Variants in LRRC4C observed in about 807,000 individuals in gnomAD.
The protein encoded by LRRC4C is leucine rich repeat containing 4C.
LRRC4C carries 5 observed loss-of-function variants against 33.6 expected under a neutral mutation model. The ratio of observed to expected loss-of-function variants is 0.15; its 90% confidence interval spans 0.08 to 0.31. LRRC4C has a LOEUF of 0.31. Ranked by LOEUF, LRRC4C falls within the 10% of genes least tolerant of loss-of-function variation. LRRC4C has a pLI of 1.00. For synonymous variants in LRRC4C, 329 were observed against 302.0 expected, an observed-to-expected ratio of 1.09 and a Z score of -0.93; for missense variants, 560 against 796.7, an observed-to-expected ratio of 0.70 and a Z score of 3.58.
chr11:41,197,074 T>C (rs1946208688), intron 1 of LRRC4C, among the ~76,000 whole-genome samples: 1 of 152,072 alleles, frequency 6.6e-6, no homozygotes, highest in Non-Finnish European at 1.5e-5. Context: ...GGAAATTCTG[T>C]GCATGGAAGT....
At chr11:40,238,103 C>G (rs572965915) in intron 5 of LRRC4C, among the ~76,000 whole-genome samples, 1 of 152,134 alleles carries the variant, frequency 6.6e-6, no homozygotes, top group Non-Finnish European at 1.5e-5. Context: ...ACAGGTTTCA[C>G]GCTATTGGTG....
intron 2 of LRRC4C, among the ~76,000 whole-genome samples, chr11:40,671,666 T>C (rs1944120448): frequency 1.9e-5 from 2 of 106,484 alleles, no homozygotes; most frequent in African/African-American, 3.7e-5. Context: ...TGTGTGTGTG[T>C]GTGTGTGTGT....
intron 4 of LRRC4C, among the ~76,000 whole-genome samples, chr11:40,264,469 C>T (rs1169872251): frequency 6.6e-6 from 1 of 152,170 alleles, no homozygotes; most frequent in Non-Finnish European, 1.5e-5. Context: ...CCAAAAAACA[C>T]AGCACAGTGA....
chr11:40,517,831 G>A (rs1158436915), intron 3 of LRRC4C, among the ~76,000 whole-genome samples: 3 of 151,438 alleles, frequency 2.0e-5, no homozygotes, highest in African/African-American at 7.3e-5. Context: ...GAACAAAGCT[G>A]GAGGCATCAC....
At chr11:41,087,803 T>C (rs994143666) in intron 1 of LRRC4C, among the ~76,000 whole-genome samples, 2 of 152,190 alleles carry the variant, frequency 1.3e-5, no homozygotes, top group African/African-American at 4.8e-5. Context: ...TCAGTCCTAA[T>C]ACATAAGTGA....
At chr11:40,486,365 A>G (rs1327809328) in intron 3 of LRRC4C, among the ~76,000 whole-genome samples, 1 of 152,074 alleles carries the variant, frequency 6.6e-6, no homozygotes, top group African/African-American at 2.4e-5. Flanking sequence ...AAGTTGAAAC[A>G]TAAGACAAAT....
intron 3 of LRRC4C, among the ~76,000 whole-genome samples, chr11:40,489,679 T>C (rs1430740881): frequency 6.6e-6 from 1 of 152,118 alleles, no homozygotes; most frequent in African/African-American, 2.4e-5. Context: ...TGGAACCCCC[T>C]TTATTGTTCA....
chr11:40,978,133 T>C (rs1221372692), intron 1 of LRRC4C, among the ~76,000 whole-genome samples: 1 of 152,238 alleles, frequency 6.6e-6, no homozygotes, highest in African/African-American at 2.4e-5. Context: ...TTCTTCCATT[T>C]ATTATTGCAT....
chr11:40,615,331 A>G (rs1487585193), intron 3 of LRRC4C, among the ~76,000 whole-genome samples: 7 of 149,570 alleles, frequency 4.7e-5, no homozygotes, highest in Non-Finnish European at 1.0e-4. Flanking sequence ...TCTTATTAAG[A>G]AGTCAGTGGC....
intron 3 of LRRC4C, among the ~76,000 whole-genome samples, chr11:40,353,762 A>T (rs1947526581): frequency 6.6e-6 from 1 of 152,148 alleles, no homozygotes; most frequent in Non-Finnish European, 1.5e-5. Flanking sequence ...TAGGATTTCG[A>T]ATTACTTCTC....
At chr11:41,358,216 A>C (rs1248222320) in intron 1 of LRRC4C, among the ~76,000 whole-genome samples, 1 of 152,136 alleles carries the variant, frequency 6.6e-6, no homozygotes, top group Admixed American at 6.6e-5. Context: ...AAATAAATCT[A>C]TACACAGAAT....
At chr11:40,855,077 C>T (rs2135780308) in intron 2 of LRRC4C, among the ~76,000 whole-genome samples, 1 of 152,156 alleles carries the variant, frequency 6.6e-6, no homozygotes, top group South Asian at 2.1e-4. Context: ...AAATGATTGT[C>T]AGAATAAAAC....
At chr11:41,141,965 A>G (rs539335177) in intron 1 of LRRC4C, among the ~76,000 whole-genome samples, 1 of 152,264 alleles carries the variant, frequency 6.6e-6, no homozygotes, top group African/African-American at 2.4e-5. Context: ...ATCATCCCAT[A>G]AAATGATACA....
chr11:40,249,965 G>A (rs995570054), intron 4 of LRRC4C, among the ~76,000 whole-genome samples: 1 of 152,198 alleles, frequency 6.6e-6, no homozygotes, highest in African/African-American at 2.4e-5. Flanking sequence ...ATTGCGCCAA[G>A]GGGCAAGTTA....
chr11:41,374,481 C>G (rs1430430785), intron 1 of LRRC4C, among the ~76,000 whole-genome samples: 3 of 151,476 alleles, frequency 2.0e-5, no homozygotes, highest in African/African-American at 7.3e-5. Flanking sequence ...TAAATAATAC[C>G]AAGAAAAAAT....
intron 5 of LRRC4C, among the ~76,000 whole-genome samples, chr11:40,196,544 C>A (rs1590679010): frequency 6.6e-6 from 1 of 152,324 alleles, no homozygotes; most frequent in Admixed American, 6.5e-5. Context: ...CTCCTACATA[C>A]AACACACATG....
At chr11:41,255,325 T>C (rs1948765043) in intron 1 of LRRC4C, among the ~76,000 whole-genome samples, 1 of 152,026 alleles carries the variant, frequency 6.6e-6, no homozygotes. Context: ...GAAGTAATTT[T>C]AAAATACTGT....
intron 3 of LRRC4C, among the ~76,000 whole-genome samples, chr11:40,625,349 C>T (rs965172341): frequency 4.6e-5 from 7 of 152,142 alleles, no homozygotes; most frequent in African/African-American, 1.7e-4. Flanking sequence ...CACAATTCCA[C>T]ATGGCTAGGG....
chr11:40,459,445 A>G (rs1007394864), intron 3 of LRRC4C, among the ~76,000 whole-genome samples: 4 of 152,166 alleles, frequency 2.6e-5, no homozygotes, highest in African/African-American at 9.6e-5. Context: ...GACAAAAGGA[A>G]GCATTATAAC....
Sources: gnomAD v4.1 joint callset for allele counts (sites outside exome capture counted in the v4.1 genomes callset) on GRCh38, gnomAD v4.1.1 for gene constraint, MANE v1.5 for transcripts, NCBI Gene and HGNC (gene_info 2026-07-23, HGNC 2026-07-21) for gene names.